Variants in RHOT1 observed in about 807,000 individuals in gnomAD.
RHOT1 encodes the protein mitochondrial Rho GTPase 1.
A neutral mutation model predicts 95.3 loss-of-function variants in RHOT1; 27 were observed. The ratio of observed to expected loss-of-function variants is 0.28; its 90% CI spans 0.21 to 0.39. The LOEUF is 0.39. Ranked by LOEUF, RHOT1 falls within the 10% of genes least tolerant of loss-of-function variation. RHOT1 has a pLI of 1.00. For missense variants in RHOT1, 578 were observed against 786.7 expected (o/e 0.73, Z 3.17); for synonymous variants, 227 against 263.5 (o/e 0.86, Z 1.34).
intron 2 of RHOT1, among the ~76,000 whole-genome samples, chr17:32,173,219 G>T (rs2034719788): frequency 6.6e-6 from 1 of 152,174 alleles, no homozygotes; most frequent in African/African-American, 2.4e-5. Context: ...ATTGGTGAGA[G>T]GGGTAATACA....
intron 19 of RHOT1, among the ~76,000 whole-genome samples, chr17:32,219,805 C>T (rs898079146): frequency 3.9e-5 from 6 of 152,042 alleles, no homozygotes; most frequent in African/African-American, 1.4e-4. Context: ...TAACAAACTG[C>T]GAATGATTAG....
chr17:32,159,412 G>A (rs8075003), intron 1 of RHOT1: 27,333 of 152,586 alleles, frequency 0.18, 2,541 homozygotes, highest in South Asian at 0.26. Context: ...GGCCCTGAGC[G>A]GTGCCGCGCT....
chr17:32,144,303 T>A (rs2030944142), intron 1 of RHOT1, among the ~76,000 whole-genome samples: 1 of 152,110 alleles, frequency 6.6e-6, no homozygotes, highest in South Asian at 2.1e-4. Context: ...ATCCCAGCAC[T>A]TTGGGAGGCC....
intron 10 of RHOT1, 55 bp downstream of exon 10, chr17:32,193,299 A>C: frequency 8.9e-7 from 1 of 1,121,672 alleles, no homozygotes; most frequent in Non-Finnish European, 1.4e-6. Context: ...AAAATTTGGC[A>C]GAAGGTGAAG....
chr17:32,196,147 C>G (rs2036869282), intron 11 of RHOT1, among the ~76,000 whole-genome samples: 1 of 151,674 alleles, frequency 6.6e-6, no homozygotes. Flanking sequence ...TCTGTCACTT[C>G]CCTTCAAGAC....
chr17:32,206,825 C>A, intron 16 of RHOT1, 85 bp from the exon 17 acceptor site: 1 of 974,296 alleles, frequency 1.0e-6, no homozygotes, highest in South Asian at 1.7e-5. Flanking sequence ...CTTAGGAAGT[C>A]CAGGGAAGGA....
chr17:32,206,098 C>T (rs150306045), intron 16 of RHOT1, among the ~76,000 whole-genome samples: 1,519 of 151,322 alleles, frequency 0.01, 30 homozygotes, highest in African/African-American at 0.035. Context: ...CTTAATCTTT[C>T]TAGCCCGTCT....
At chr17:32,162,907 A>G (rs1264677025) in intron 1 of RHOT1, among the ~76,000 whole-genome samples, 1 of 152,164 alleles carries the variant, frequency 6.6e-6, no homozygotes, top group East Asian at 1.9e-4. Flanking sequence ...ACATTTGGGA[A>G]AGTAGAGGGG....
chr17:32,224,967 G>T lies in RHOT1; in HGVS notation c.*234G>T, dbSNP rs114795322. On this transcript the variant is annotated 3_prime_UTR_variant, in exon 20 of 20. Transcript: ENST00000545287. ...TGGCTAAATTCCAGAGGCCAAAAGG[G>T]AATATTTTGTAAATATATGTACATA... 971 of 314,418 alleles carry T rather than the reference G, an allele frequency of 3.1e-3. 6 individuals carry two copies. The highest frequency in any genetic ancestry group is 0.018 in the African/African-American group (870 of 47,416). 19.5% of individuals were successfully genotyped at this position (314,418 alleles called of 1,614,324 possible). A position where few individuals can be genotyped will look rare whatever the true frequency, so the allele number is the denominator to read the frequency against.
intron 1 of RHOT1, chr17:32,150,927 T>G: frequency 6.5e-7 from 1 of 1,542,166 alleles, no homozygotes; most frequent in Admixed American, 1.9e-5. Context: ...TCTTCTTGGA[T>G]GGAAGGTATC....
chr17:32,179,752 A>T (rs1175294281), intron 6 of RHOT1: 1 of 91,364 alleles, frequency 1.1e-5, no homozygotes, highest in Non-Finnish European at 2.2e-5. Context: ...CAGCCACCCC[A>T]TCTGGGAAGT....
At chr17:32,169,628 TAAAA>T (rs1256840009) in intron 1 of RHOT1, among the ~76,000 whole-genome samples, 1 of 152,146 alleles carries the variant, frequency 6.6e-6, no homozygotes, top group African/African-American at 2.4e-5. Flanking sequence ...CAGTTAAAAA[TAAAA>T]AAGATCTTGT....
intron 14 of RHOT1, among the ~76,000 whole-genome samples, chr17:32,201,783 CTTAT>C (rs796265668): frequency 6.0e-4 from 92 of 152,274 alleles, no homozygotes; most frequent in African/African-American, 2.1e-3. Context: ...TGTTCTATAA[CTTAT>C]TTAACTATCC....
chr17:32,192,288 A>C lies in RHOT1; in HGVS notation c.628A>C (p.Asn210His), dbSNP rs1177859577. Residue 210 changes from asparagine (N) to histidine (H), a missense_variant, in exon 9 of 20, where the codon AAC becomes CAC. Asn to His is a moderately conservative substitution (Grantham distance 68). Transcript: ENST00000545287. ...NDGTLNDAEL[N>H]FFQRICFNTP... ...TGGTACTCTCAATGATGCTGAACTC[A>C]ACTTCTTTCAGGTAATGGTCCTTTA... is the stretch of plus-strand genomic sequence containing the variant. 1 of 1,553,590 alleles carries C rather than the reference A, an allele frequency of 6.4e-7. No individual in the cohort carries two copies. Among genetic ancestry groups the C allele is most frequent in the African/African-American group, 1.4e-5 (1 of 72,190 alleles).
In RHOT1 at chr17:32,203,966, A is replaced by G. The variant is rs2037512847; in HGVS notation, c.1409A>G (p.Tyr470Cys). Residue 470 changes from tyrosine (Y) to cysteine (C), a missense_variant, in exon 16 of 20, where the codon TAC becomes TGC. By Grantham distance (194) the Tyr-to-Cys change is radical. This residue lies in a region of RHOT1 where 296 missense variants were observed against 338.5 expected (regional missense o/e 0.87). Coordinates refer to ENST00000545287, the MANE Select transcript of RHOT1 (RefSeq NM_001033566.3). ...GTTTATGTATATGGACAAGAGAAATACTTGTTGGTAAGAAATTCTGTGGCA... is the reference window on the plus strand; with the variant it reads ...GTTTATGTATATGGACAAGAGAAATGCTTGTTGGTAAGAAATTCTGTGGCA... ...NTVYVYGQEK[Y>C]LLLHDISESE... 2 of 1,598,418 alleles carry G rather than the reference A, an allele frequency of 1.3e-6. No homozygotes were observed. The highest frequency in any genetic ancestry group is 1.7e-6 in the Non-Finnish European group (2 of 1,169,706).
At chr17:32,221,670 AT>A (rs1169247956) in intron 19 of RHOT1, among the ~76,000 whole-genome samples, 2 of 152,244 alleles carry the variant, frequency 1.3e-5, no homozygotes, top group African/African-American at 4.8e-5. Flanking sequence ...CTACTGTGAC[AT>A]TGATGGAGCC....
At chr17:32,162,282 A>G (rs1324251028) in intron 1 of RHOT1, among the ~76,000 whole-genome samples, 1 of 152,188 alleles carries the variant, frequency 6.6e-6, no homozygotes, top group Non-Finnish European at 1.5e-5. Context: ...CTCATTATTC[A>G]TAATAAAAGA....
intron 19 of RHOT1, among the ~76,000 whole-genome samples, chr17:32,220,037 G>C (rs2038729603): frequency 6.6e-6 from 1 of 152,150 alleles, no homozygotes; most frequent in African/African-American, 2.4e-5. Context: ...TAAATATAGA[G>C]AAAAATTTTA....
intron 11 of RHOT1, among the ~76,000 whole-genome samples, chr17:32,195,306 G>A (rs1209440682): frequency 6.6e-6 from 1 of 151,856 alleles, no homozygotes; most frequent in Non-Finnish European, 1.5e-5. Flanking sequence ...TAGAAAAGCG[G>A]TCTCACTATA....
Sources: allele counts gnomAD v4.1 joint callset (sites outside exome capture counted in the v4.1 genomes callset), GRCh38; gene constraint gnomAD v4.1.1; regional missense constraint gnomAD v4.1.1; transcripts MANE v1.5; gene names NCBI Gene and HGNC (gene_info 2026-07-23, HGNC 2026-07-21).